The following PKIA variants were observed in gnomAD, a reference collection of about 807,000 sequenced individuals.
PKIA encodes the protein PKI-alpha.
Under a neutral mutation model 7.6 loss-of-function variants are expected in PKIA, and 4 were observed. The observed-to-expected ratio is 0.52, with a 90% CI of 0.26 to 1.20. PKIA has a LOEUF of 1.20. Ranked by LOEUF, PKIA falls within the 50% of genes most tolerant of loss-of-function variation. PKIA has a pLI of 0.13. For synonymous variants in PKIA, 21 were observed against 30.7 expected (o/e 0.68, Z 1.04); for missense variants, 73 against 86.2 (o/e 0.85, Z 0.61).
At position 78,602,625 on chromosome 8, in the gene PKIA, G is replaced by A. The variant is rs1238225366; in HGVS notation, c.*804G>A. On this transcript the variant is annotated 3_prime_UTR_variant, in exon 4 of 4. Coordinates refer to ENST00000396418, the MANE Select transcript of PKIA (RefSeq NM_006823.4). The stretch of plus-strand genomic sequence containing the variant: ...ATATCACCTGAATTCAGTCTGTTTG[G>A]TGTCTGCACAGACTGGAATTCAATC... 1.3e-5 allele frequency: 2 copies of A among 150,974 alleles called. No individual in the cohort carries two copies. The highest frequency in any genetic ancestry group is 1.9e-4 in the East Asian group (1 of 5,144). 9.4% of individuals were successfully genotyped at this position (150,974 alleles called of 1,614,324 possible). A position where few individuals can be genotyped will look rare whatever the true frequency, so the allele number is the denominator to read the frequency against.
At chr8:78,547,451 G>A (rs1806857289) in intron 1 of PKIA, among the ~76,000 whole-genome samples, 1 of 152,056 alleles carries the variant, frequency 6.6e-6, no homozygotes, top group Non-Finnish European at 1.5e-5. Flanking sequence ...AAATAGCACA[G>A]GGGTAGGACT....
chr8:78,579,594 G>C (rs1022113609), intron 2 of PKIA, among the ~76,000 whole-genome samples: 2 of 152,058 alleles, frequency 1.3e-5, no homozygotes. Context: ...TTTGGTGAGA[G>C]ACATTTTGCG....
chr8:78,541,838 C>T (rs1195760781), intron 1 of PKIA, among the ~76,000 whole-genome samples: 1 of 147,274 alleles, frequency 6.8e-6, no homozygotes, highest in Non-Finnish European at 1.5e-5. Context: ...ATTCCCTCTA[C>T]CATCTCCAAC....
chr8:78,526,140 T>C (rs1259670821), intron 1 of PKIA, among the ~76,000 whole-genome samples: 1 of 152,084 alleles, frequency 6.6e-6, no homozygotes, highest in Non-Finnish European at 1.5e-5. Flanking sequence ...GAATTATTTT[T>C]TCTACCCCTC....
chr8:78,583,846 C>T (rs1274305747), intron 2 of PKIA, among the ~76,000 whole-genome samples: 1 of 151,986 alleles, frequency 6.6e-6, no homozygotes, highest in Non-Finnish European at 1.5e-5. Flanking sequence ...TATCCCACTG[C>T]TCAAAGTCAT....
intron 1 of PKIA, among the ~76,000 whole-genome samples, chr8:78,550,252 T>C (rs562064192): frequency 1.3e-5 from 2 of 152,254 alleles, no homozygotes; most frequent in African/African-American, 4.8e-5. Context: ...TGCTAATGGG[T>C]GCTTAGCCAA....
intron 1 of PKIA, among the ~76,000 whole-genome samples, chr8:78,539,715 T>C (rs1173652633): frequency 5.9e-5 from 9 of 152,066 alleles, no homozygotes; most frequent in Admixed American, 5.9e-4. Flanking sequence ...AAATATTTAT[T>C]ACCTGCAGTG....
intron 3 of PKIA, among the ~76,000 whole-genome samples, chr8:78,598,837 T>C (rs1446947235): frequency 6.6e-6 from 1 of 152,052 alleles, no homozygotes; most frequent in Non-Finnish European, 1.5e-5. Context: ...TGAAATTGCT[T>C]ATGTACAGTA....
chr8:78,579,603 C>T (rs902459843), intron 2 of PKIA, among the ~76,000 whole-genome samples: 7 of 151,862 alleles, frequency 4.6e-5, no homozygotes, highest in Admixed American at 1.3e-4. Context: ...AGACATTTTG[C>T]GAAAGATAGA....
At chr8:78,520,014 G>A (rs1809386702) in intron 1 of PKIA, among the ~76,000 whole-genome samples, 1 of 151,976 alleles carries the variant, frequency 6.6e-6, no homozygotes, top group African/African-American at 2.4e-5. Flanking sequence ...AACATGCTTT[G>A]TCTGCTCTTC....
intron 1 of PKIA, chr8:78,534,655 C>T (rs1329494355): frequency 6.6e-6 from 1 of 152,036 alleles, no homozygotes; most frequent in Non-Finnish European, 1.5e-5. Flanking sequence ...CTCAAAGGGT[C>T]CCCAGTGTAG....
chr8:78,598,221 A>G (rs1808273155), intron 2 of PKIA, 137 bp from the exon 3 acceptor site: 2 of 425,090 alleles, frequency 4.7e-6, no homozygotes, highest in South Asian at 6.8e-5. Flanking sequence ...CTAAATACTT[A>G]GGACCAGAAA....
chr8:78,547,548 C>A (rs922499390), intron 1 of PKIA, among the ~76,000 whole-genome samples: 1 of 152,036 alleles, frequency 6.6e-6, no homozygotes, highest in Non-Finnish European at 1.5e-5. Context: ...TATAAATCTA[C>A]CAAAATCATT....
intron 1 of PKIA, among the ~76,000 whole-genome samples, chr8:78,557,421 A>G (rs1177430160): frequency 6.6e-6 from 1 of 152,178 alleles, no homozygotes; most frequent in Non-Finnish European, 1.5e-5. Flanking sequence ...GAATAATGAC[A>G]TTGTTTAAAC....
chr8:78,572,748 AT>A (rs1807583087), intron 1 of PKIA, 62 bp from the exon 2 acceptor site: 1 of 152,050 alleles, frequency 6.6e-6, no homozygotes, highest in Non-Finnish European at 1.5e-5. Context: ...TTTGCTTAAA[AT>A]TTTTAAAAAT....
At chr8:78,548,493 G>A (rs1056640769) in intron 1 of PKIA, among the ~76,000 whole-genome samples, 17 of 152,058 alleles carry the variant, frequency 1.1e-4, no homozygotes, top group Non-Finnish European at 2.2e-4. Flanking sequence ...TTTGGATTCC[G>A]GAAAACTTAG....
At chr8:78,570,402 A>C (rs2118551948) in intron 1 of PKIA, among the ~76,000 whole-genome samples, 1 of 152,302 alleles carries the variant, frequency 6.6e-6, no homozygotes, top group Admixed American at 6.5e-5. Flanking sequence ...GAGTACTGAA[A>C]GCAAACAACT....
intron 1 of PKIA, chr8:78,533,896 A>C (rs1023621740): frequency 6.6e-6 from 1 of 152,140 alleles, no homozygotes; most frequent in Non-Finnish European, 1.5e-5. Flanking sequence ...CAGAAATTGC[A>C]TGCAAAAAAA....
chr8:78,580,853 GAA>G (rs952363417), intron 2 of PKIA, among the ~76,000 whole-genome samples: 9 of 152,142 alleles, frequency 5.9e-5, no homozygotes, highest in African/African-American at 2.2e-4. Flanking sequence ...ATGGGGGAAT[GAA>G]AGTGCTGGTT....
Sources: allele counts gnomAD v4.1 joint callset (sites outside exome capture counted in the v4.1 genomes callset), GRCh38; gene constraint gnomAD v4.1.1; transcripts MANE v1.5; gene names NCBI Gene and HGNC (gene_info 2026-07-23, HGNC 2026-07-21).